Variants in BCR observed in about 807,000 individuals in gnomAD.
BCR encodes the protein BCR activator of RhoGEF and GTPase.
Under a neutral mutation model 138.6 loss-of-function variants are expected in BCR, and 58 were observed. That is an observed-to-expected ratio of 0.42 (90% confidence interval 0.34 to 0.52). BCR has a LOEUF of 0.52. Among genes scored for constraint, BCR ranks in the 20% least tolerant of loss-of-function variants. The pLI is 0.06. For missense variants in BCR, 1,599 were observed against 1,727.2 expected (o/e 0.93, Z 1.32); for synonymous variants, 786 against 730.1 (o/e 1.08, Z -1.23).
At chr22:23,259,010 G>A (rs1602072298) in intron 2 of BCR, among the ~76,000 whole-genome samples, 1 of 152,244 alleles carries the variant, frequency 6.6e-6, no homozygotes, top group East Asian at 1.9e-4. Flanking sequence ...AACAAAGGGA[G>A]CACGGCCTCA....
Position 23,313,020 on chromosome 22 carries a change from C to G in BCR, c.3456C>G (p.Ile1152Met). The change falls in exon 20 of 23, where the codon ATC becomes ATG. Residue 1152 changes from isoleucine to methionine, a missense_variant and splice_region_variant. Physicochemically the swap from Ile to Met is conservative, Grantham distance 10. Around this residue, in one of 4 missense-constraint regions of BCR, gnomAD observed 177 missense variants for 226.4 expected, o/e 0.78. Coordinates refer to ENST00000305877, the MANE Select transcript of BCR (RefSeq NM_004327.4). Reference protein sequence around the residue: ...DEFYPNFAEGIALSDPVAKES... With the variant: ...DEFYPNFAEGMALSDPVAKES... ...TCTACCCCAACTTCGCAGAGGGCAT[C>G]GGTGAGCACTGGAGGCCTTGGCCTC... 6.4e-7 allele frequency: 1 copy of G among 1,565,436 alleles called. No homozygotes were observed. Among genetic ancestry groups the G allele is most frequent in the Non-Finnish European group, 8.6e-7 (1 of 1,161,022 alleles).
Position 23,268,403 on chromosome 22 carries a change from C to G in BCR, c.1753-5C>G, listed in dbSNP as rs750695387. On this transcript the variant is annotated splice_polypyrimidine_tract_variant and splice_region_variant and intron_variant, in intron 4 of 22. Transcript: ENST00000305877. ...TCCCACTCTCTCTTCCTTCCTCCCC[C>G]TCAGGCCAGCCAGCTGGGTGTGTAC... is the stretch of plus-strand genomic sequence containing the variant. 1.9e-6 allele frequency: 3 copies of G among 1,607,484 alleles called. No individual in the cohort carries two copies. The highest frequency in any genetic ancestry group is 1.3e-5 in the African/African-American group (1 of 74,914).
At chr22:23,217,033 TGTGGACACACGGC>T (rs1486076259) in intron 1 of BCR, 3 of 452,300 alleles carry the variant, frequency 6.6e-6, no homozygotes, top group East Asian at 1.4e-4. Flanking sequence ...AGCAGTGTCA[TGTGGACACACGGC>T]GTGGACACAA....
rs371986661 is a variant in BCR, at chr22:23,252,427, C to CTTTTTTTTTTTTTTTTTTTT, written c.1280-1368_1280-1367insTTTTTTTTTTTTTTTTTTTT. ...TTGGGTTTCCCTTTCTTTTTCTTTT[C>CTTTTTTTTTTTTTTTTTTTT]TTTTCTTTTTTTTTTTTTTTTGAGA... is the stretch of plus-strand genomic sequence containing the variant. On this transcript the variant is annotated intron_variant, in intron 1 of 22. Transcript: ENST00000305877. Among the ~76,000 whole-genome samples the CTTTTTTTTTTTTTTTTTTTT allele has an allele frequency of 7.5e-5, 9 of 119,490 alleles. 1 individual carries two copies. The highest frequency in any genetic ancestry group is 2.8e-4 in the South Asian group (1 of 3,584). 78.4% of individuals were successfully genotyped at this position (119,490 alleles called of 152,430 possible).
At chr22:23,309,274 T>G (rs2073982492) in intron 16 of BCR, 150 bp from the exon 17 acceptor site, 1 of 752,108 alleles carries the variant, frequency 1.3e-6, no homozygotes, top group Non-Finnish European at 2.3e-6. Flanking sequence ...CTCCTTACTC[T>G]ACCTCTGTTG....
chr22:23,207,748 G>C (rs1272591235), intron 1 of BCR, among the ~76,000 whole-genome samples: 4 of 152,222 alleles, frequency 2.6e-5, no homozygotes, highest in Non-Finnish European at 2.9e-5. Flanking sequence ...AGGTTTCTCA[G>C]ACACTTGGGA....
chr22:23,215,521 A>G (rs1373495930), intron 1 of BCR, among the ~76,000 whole-genome samples: 1 of 152,240 alleles, frequency 6.6e-6, no homozygotes, highest in Non-Finnish European at 1.5e-5. Context: ...GTTTTCTGCC[A>G]CCTTCTCTGC....
At chr22:23,197,845 A>G (rs190467467) in intron 1 of BCR, among the ~76,000 whole-genome samples, 214 of 151,750 alleles carry the variant, frequency 1.4e-3, no homozygotes, top group African/African-American at 5.0e-3. Flanking sequence ...AGGGATGGAG[A>G]GGACAAGGAA....
intron 1 of BCR, among the ~76,000 whole-genome samples, chr22:23,231,975 A>T (rs982107577): frequency 3.3e-5 from 5 of 152,202 alleles, no homozygotes; most frequent in African/African-American, 9.7e-5. Flanking sequence ...GCCTGTCCCA[A>T]GGCAGCTCAT....
intron 1 of BCR, among the ~76,000 whole-genome samples, chr22:23,229,488 G>A (rs557628220): frequency 1.3e-5 from 2 of 151,808 alleles, no homozygotes; most frequent in African/African-American, 4.8e-5. Context: ...AATGTTGACT[G>A]ATTTTTTTTT....
chr22:23,315,065 A>G (rs184372183), intron 22 of BCR, among the ~76,000 whole-genome samples: 100 of 152,298 alleles, frequency 6.6e-4, no homozygotes, highest in Non-Finnish European at 1.0e-3. Flanking sequence ...AGAAAAAATA[A>G]AAAGAAAAAT....
chr22:23,207,003 C>T (rs565198212), intron 1 of BCR, among the ~76,000 whole-genome samples: 10 of 141,388 alleles, frequency 7.1e-5, no homozygotes, highest in African/African-American at 2.6e-4. Flanking sequence ...TGTCTAACAT[C>T]CAGCCAACCA....
chr22:23,311,845 T>G lies in BCR; in HGVS notation c.3322+9T>G, dbSNP rs759869231. The G allele has an allele frequency of 6.2e-7, 1 of 1,605,776 alleles. No homozygotes were observed. On this transcript the variant is annotated intron_variant, in intron 19 of 22. Coordinates refer to ENST00000305877, the MANE Select transcript of BCR (RefSeq NM_004327.4). ...GGCAGCCTTCGACGTCAGTGAGTGT[T>G]GGCCTGCGCAGGACGGGATGGAGGT... is the stretch of plus-strand genomic sequence containing the variant.
At chr22:23,279,063 G>A (rs2073611734) in intron 8 of BCR, among the ~76,000 whole-genome samples, 1 of 152,252 alleles carries the variant, frequency 6.6e-6, no homozygotes, top group Admixed American at 6.5e-5. Context: ...GGAGCCTGCT[G>A]CATGGGAGGG....
intron 15 of BCR, among the ~76,000 whole-genome samples, chr22:23,294,493 C>T (rs760174918): frequency 9.2e-5 from 14 of 152,188 alleles, no homozygotes; most frequent in African/African-American, 1.4e-4. Context: ...CTCCGCCTCC[C>T]GGATTCAAGC....
intron 1 of BCR, among the ~76,000 whole-genome samples, chr22:23,227,637 T>G (rs2072909748): frequency 6.6e-6 from 1 of 152,250 alleles, no homozygotes; most frequent in Admixed American, 6.5e-5. Context: ...CTCTAGGAGA[T>G]CTTGTGACCT....
intron 16 of BCR, among the ~76,000 whole-genome samples, chr22:23,299,206 G>A (rs987402323): frequency 6.6e-6 from 1 of 151,654 alleles, no homozygotes; most frequent in East Asian, 2.0e-4. Context: ...CCGTGGTCTC[G>A]ATCTCCTGAC....
At chr22:23,276,771 C>T (rs191020477) in intron 8 of BCR, among the ~76,000 whole-genome samples, 1 of 150,504 alleles carries the variant, frequency 6.6e-6, no homozygotes, top group Admixed American at 6.6e-5. Flanking sequence ...CACTGCCCAA[C>T]GGGTTTGCAG....
intron 8 of BCR, among the ~76,000 whole-genome samples, chr22:23,274,907 C>CAA (rs758602402): frequency 0.013 from 1,105 of 83,090 alleles, 16 homozygotes; most frequent in African/African-American, 0.038. Flanking sequence ...AACTCCATCT[C>CAA]AAAAAAAAAA....
Sources: allele counts gnomAD v4.1 joint callset (sites outside exome capture counted in the v4.1 genomes callset), GRCh38; gene constraint gnomAD v4.1.1; regional missense constraint gnomAD v4.1.1; transcripts MANE v1.5; gene names NCBI Gene and HGNC (gene_info 2026-07-23, HGNC 2026-07-21).